Variants in MORC1 observed in about 807,000 individuals in gnomAD.
The protein encoded by MORC1 is MORC family CW-type zinc finger 1.
MORC1 carries 59 observed loss-of-function variants against 134.9 expected under a neutral mutation model. The observed-to-expected ratio is 0.44, with a 90% CI of 0.35 to 0.54. The LOEUF (loss-of-function observed/expected upper bound fraction) is 0.54, where lower values mean the gene tolerates loss of function less well. MORC1 is among the 20% of genes least tolerant of loss of function. The pLI is 0.00. For synonymous variants in MORC1, 395 were observed against 391.7 expected (o/e 1.01, Z -0.10); for missense variants, 947 against 1,134.5 (o/e 0.83, Z 2.37).
At chr3:108,970,759 A>G (rs1947354792) in intron 25 of MORC1, among the ~76,000 whole-genome samples, 1 of 152,142 alleles carries the variant, frequency 6.6e-6, no homozygotes, top group Admixed American at 6.6e-5. Context: ...CAACTTCACC[A>G]CAGCCCTGCG....
chr3:109,052,617 T>A (rs1440001769), intron 14 of MORC1, among the ~76,000 whole-genome samples: 1 of 152,130 alleles, frequency 6.6e-6, no homozygotes, highest in Non-Finnish European at 1.5e-5. Flanking sequence ...GGTGAGAAAG[T>A]TTTAGGTACG....
At chr3:108,959,977 A>T (rs1692643433) in intron 27 of MORC1, among the ~76,000 whole-genome samples, 1 of 152,232 alleles carries the variant, frequency 6.6e-6, no homozygotes, top group African/African-American at 2.4e-5. Context: ...CAATGTCCCC[A>T]ATGGAGAGCC....
chr3:109,048,196 A>C (rs1949741011), intron 14 of MORC1, among the ~76,000 whole-genome samples: 1 of 152,302 alleles, frequency 6.6e-6, no homozygotes, highest in Admixed American at 6.5e-5. Context: ...AGAGGGAGAG[A>C]GTGTGAGACA....
chr3:109,108,448 TCTC>T (rs139421074), intron 3 of MORC1, among the ~76,000 whole-genome samples: 4,875 of 152,192 alleles, frequency 0.032, 241 homozygotes, highest in African/African-American at 0.11. Flanking sequence ...TACATCTGTC[TCTC>T]CTCCTCCATT....
chr3:109,090,152 T>C (rs1308831896), intron 8 of MORC1, among the ~76,000 whole-genome samples: 3 of 152,108 alleles, frequency 2.0e-5, no homozygotes, highest in African/African-American at 7.3e-5. Flanking sequence ...ACCTTTAAAC[T>C]GATATTGCCA....
intron 23 of MORC1, 45 bp from the exon 24 acceptor site, chr3:108,979,712 A>G (rs1947660180): frequency 6.3e-7 from 1 of 1,595,708 alleles, no homozygotes; most frequent in Non-Finnish European, 8.5e-7. Context: ...AGGTATTAAT[A>G]ATTTCAGAAA....
In MORC1 at chr3:109,103,880, A is replaced by G. The variant is rs773953882; in HGVS notation, c.192T>C (p.Cys64=). ...TCATGCCACATCCATCATCCAGGAA[A>G]CACAACATGAATCCCCCCTGCAGTT... ...NEKLQGGFML[C]FLDDGCGMSP... is the part of the protein sequence containing the mutation. The change falls in exon 4 of 28, where the codon TGT becomes TGC. Residue 64 remains cysteine, a synonymous_variant. Transcript: ENST00000232603. The G allele has an allele frequency of 6.2e-7, 1 of 1,614,080 alleles. No homozygotes were observed. The highest frequency in any genetic ancestry group is 8.5e-7 in the Non-Finnish European group (1 of 1,179,924).
At chr3:109,112,701 A>G (rs1324028555) in intron 2 of MORC1, among the ~76,000 whole-genome samples, 6 of 152,222 alleles carry the variant, frequency 3.9e-5, no homozygotes, top group Admixed American at 6.5e-5. Context: ...AGGAAGGCAG[A>G]GGGCCCAAAT....
chr3:109,118,111 A>C lies in MORC1; in HGVS notation c.-52T>G. 1 of 1,570,180 alleles carries C rather than the reference A, an allele frequency of 6.4e-7. No individual in the cohort carries two copies. The highest frequency in any genetic ancestry group is 1.2e-5 in the South Asian group (1 of 86,194). ...AAGGGGACAAGGACACCTGACCGGC[A>C]GCCGTTCGCCTGCGCCCGCGCCCAC... On this transcript the variant is annotated 5_prime_UTR_variant, in exon 1 of 28. Transcript: ENST00000232603.
chr3:109,025,379 C>CTTTTT (rs63701060), intron 17 of MORC1, among the ~76,000 whole-genome samples: 11 of 105,100 alleles, frequency 1.0e-4, no homozygotes, highest in African/African-American at 3.3e-4. Flanking sequence ...TTTCTTTTTT[C>CTTTTT]TTTTTTTTTT....
intron 24 of MORC1, among the ~76,000 whole-genome samples, chr3:108,973,595 G>GTTTTTTTTTT (rs63198360): frequency 1.3e-5 from 1 of 77,910 alleles, no homozygotes; most frequent in African/African-American, 6.1e-5. Context: ...CTTTGTTTTG[G>GTTTTTTTTTT]TTTTTTTTTT....
At chr3:109,089,267 T>C (rs1315082594) in intron 8 of MORC1, among the ~76,000 whole-genome samples, 5 of 152,146 alleles carry the variant, frequency 3.3e-5, no homozygotes, top group Non-Finnish European at 5.9e-5. Context: ...ATATCTTACA[T>C]GTAATTTTAA....
chr3:109,042,529 T>C (rs1264215322), intron 14 of MORC1, among the ~76,000 whole-genome samples: 1 of 152,162 alleles, frequency 6.6e-6, no homozygotes, highest in Admixed American at 6.5e-5. Flanking sequence ...GGAGTTTCCT[T>C]CAAAAATTAA....
chr3:108,964,269 C>T (rs1047748638), intron 26 of MORC1, among the ~76,000 whole-genome samples: 5 of 152,208 alleles, frequency 3.3e-5, no homozygotes, highest in African/African-American at 1.2e-4. Flanking sequence ...AGGCCAAATG[C>T]TTCAGTTTCA....
chr3:109,025,563 T>G (rs1949056713), intron 17 of MORC1, among the ~76,000 whole-genome samples: 1 of 151,728 alleles, frequency 6.6e-6, no homozygotes, highest in Non-Finnish European at 1.5e-5. Flanking sequence ...TTGTATTTTC[T>G]GTAGAGATGA....
At chr3:109,051,406 AAC>A (rs1949825454) in intron 14 of MORC1, among the ~76,000 whole-genome samples, 1 of 152,232 alleles carries the variant, frequency 6.6e-6, no homozygotes, top group African/African-American at 2.4e-5. Flanking sequence ...AATATTATAT[AAC>A]TTTGGTTATT....
chr3:108,970,415 T>C (rs1480670205), intron 25 of MORC1, among the ~76,000 whole-genome samples: 1 of 152,216 alleles, frequency 6.6e-6, no homozygotes, highest in East Asian at 1.9e-4. Context: ...GACACTGCAC[T>C]TATCAAGAGG....
At chr3:109,072,966 T>TAC (rs60720692) in intron 8 of MORC1, among the ~76,000 whole-genome samples, 3,722 of 136,784 alleles carry the variant, frequency 0.027, 164 homozygotes, top group African/African-American at 0.12. Flanking sequence ...CACACACACA[T>TAC]ACACACACAC....
rs562919806 is a variant in MORC1, at chr3:109,051,848, G to A, written c.1330+2880C>T. 2.4e-4 allele frequency among the ~76,000 whole-genome samples: 36 copies of A among 152,048 alleles called. No individual in the cohort carries two copies. The South Asian group carries it at 7.3e-3, about 31-fold the overall frequency. ...CTAGCAAATGATACCCTGTAGTTGG[G>A]AGTACAACTGTTGGGAGGGTACCCA... On this transcript the variant is annotated intron_variant, in intron 14 of 27. Coordinates refer to ENST00000232603, the MANE Select transcript of MORC1 (RefSeq NM_014429.4).
Sources: allele counts gnomAD v4.1 joint callset (sites outside exome capture counted in the v4.1 genomes callset), GRCh38; gene constraint gnomAD v4.1.1; transcripts MANE v1.5; gene names NCBI Gene and HGNC (gene_info 2026-07-23, HGNC 2026-07-21).